The following FNDC8 variants were observed in gnomAD, a reference collection of about 807,000 sequenced individuals.
FNDC8 encodes fibronectin type III domain containing 8, also known as fibronectin type III domain-containing protein 8.
Under a neutral mutation model 24.8 loss-of-function variants are expected in FNDC8, and 23 were observed. The observed-to-expected ratio is 0.93, with a 90% CI of 0.67 to 1.31. FNDC8 has a LOEUF of 1.31. Ranked by LOEUF, FNDC8 falls within the 40% of genes most tolerant of loss-of-function variation. The pLI is 0.00. For missense variants in FNDC8, 371 were observed against 398.2 expected (o/e 0.93, Z 0.58); for synonymous variants, 158 against 165.3 (o/e 0.96, Z 0.34).
intron 1 of FNDC8, among the ~76,000 whole-genome samples, chr17:35,122,210 A>ATATATTT (rs1567738668): frequency 6.7e-5 from 3 of 44,784 alleles, no homozygotes; most frequent in Non-Finnish European, 8.6e-5. Flanking sequence ...ATATATATAA[A>ATATATTT]TTTTTTTTTT....
rs746683874 is a variant in FNDC8, at chr17:35,130,322, A to G, written c.863A>G (p.Asn288Ser). 1 of 1,614,082 alleles carries G rather than the reference A, an allele frequency of 6.2e-7. No individual in the cohort carries two copies. The highest frequency in any genetic ancestry group is 2.2e-5 in the East Asian group (1 of 44,882). ...ACTGACTTCAGCAGCTTTCCTGAGA[A>G]CTACCCCATCCAGATCACCGTGCGG... ...LATDFSSFPE[N>S]YPIQITVRRK... The change falls in exon 4 of 4, where the codon AAC (asparagine) becomes AGC (serine). Residue 288 changes from asparagine to serine, a missense_variant. Coordinates refer to ENST00000158009, the MANE Select transcript of FNDC8 (RefSeq NM_017559.4).
Position 35,126,622 on chromosome 17 carries a change from C to A in FNDC8, c.210-420C>A, listed in dbSNP as rs568572929. ...GGTTCAAGCAATTCTCCTGCCTCAG[C>A]CTACCAAGTAGCTAGGATTACAGGT... On this transcript the variant is annotated intron_variant, in intron 1 of 3. Transcript: ENST00000158009. 3.3e-5 allele frequency among the ~76,000 whole-genome samples: 5 copies of A among 151,850 alleles called. No individual in the cohort carries two copies. The South Asian group carries it at 1.0e-3, about 32-fold the overall frequency.
intron 2 of FNDC8, among the ~76,000 whole-genome samples, chr17:35,128,596 A>G (rs1182157833): frequency 1.3e-5 from 2 of 152,160 alleles, no homozygotes; most frequent in South Asian, 2.1e-4. Flanking sequence ...CCCTCTCTGG[A>G]CCTAGTCGAT....
At chr17:35,126,365 A>C (rs1231761741) in intron 1 of FNDC8, among the ~76,000 whole-genome samples, 3 of 152,210 alleles carry the variant, frequency 2.0e-5, no homozygotes, top group Non-Finnish European at 4.4e-5. Flanking sequence ...TGAATGTATT[A>C]CTTCCATACC....
At chr17:35,123,008 T>C (rs1223848778) in intron 1 of FNDC8, among the ~76,000 whole-genome samples, 3 of 152,050 alleles carry the variant, frequency 2.0e-5, no homozygotes, top group Non-Finnish European at 4.4e-5. Context: ...GGAAGTGATA[T>C]TTGAGCTGAG....
At chr17:35,123,508 C>T (rs536398218) in intron 1 of FNDC8, among the ~76,000 whole-genome samples, 4 of 152,224 alleles carry the variant, frequency 2.6e-5, no homozygotes, top group South Asian at 2.1e-4. Context: ...GAGGCTGAGG[C>T]GGATGCATCA....
At chr17:35,130,261 G>T (rs1431930302) in intron 3 of FNDC8, 21 bp from the exon 4 acceptor site, 7 of 1,611,754 alleles carry the variant, frequency 4.3e-6, no homozygotes, top group Non-Finnish European at 5.9e-6. Flanking sequence ...AACTCTGAAG[G>T]GTTTTCTTGT....
At chr17:35,122,688 C>G (rs958358379) in intron 1 of FNDC8, among the ~76,000 whole-genome samples, 1 of 152,146 alleles carries the variant, frequency 6.6e-6, no homozygotes, top group Non-Finnish European at 1.5e-5. Context: ...TGCCTTCCTT[C>G]GGACTGGGTT....
intron 3 of FNDC8, chr17:35,130,028 T>G: frequency 7.2e-7 from 1 of 1,388,444 alleles, no homozygotes; most frequent in Non-Finnish European, 9.3e-7. Context: ...GGGAACAGCC[T>G]GGGTATGGGG....
rs377442902 is a variant in FNDC8 at position 35,125,708 on chromosome 17, G to A, written c.210-1334G>A. Among the ~76,000 whole-genome samples, 386 of 152,224 alleles carry A rather than the reference G, an allele frequency of 2.5e-3. 2 individuals carry two copies. Among genetic ancestry groups the A allele is most frequent in the Non-Finnish European group, 3.9e-3 (264 of 68,026 alleles). Reference sequence around the variant, plus strand: ...AACTTTACTGTACTCATTACTTGTCGGTCGAAGGATGGGGACTTTGGTGGG... The same window carrying A: ...AACTTTACTGTACTCATTACTTGTCAGTCGAAGGATGGGGACTTTGGTGGG... On this transcript the variant is annotated intron_variant, in intron 1 of 3. Transcript: ENST00000158009.
Position 35,129,038 on chromosome 17 carries a change from C to T in FNDC8, c.586-384C>T, listed in dbSNP as rs78720302. 1,492 of 203,482 alleles carry T rather than the reference C, an allele frequency of 7.3e-3. 22 individuals carry two copies. The highest frequency in any genetic ancestry group is 0.031 in the African/African-American group (1,366 of 43,952). 12.6% of individuals were successfully genotyped at this position (203,482 alleles called of 1,614,324 possible). A position where few individuals can be genotyped will look rare whatever the true frequency, so the allele number is the denominator to read the frequency against. On this transcript the variant is annotated intron_variant, in intron 2 of 3. Transcript: ENST00000158009. ...GACAGGAGGCAGAGCTCAGGTGGTA[C>T]CCTGAGCCGTGGGGAGCAGCTGTAA...
chr17:35,123,007 A>G (rs2091835913), intron 1 of FNDC8, among the ~76,000 whole-genome samples: 1 of 152,070 alleles, frequency 6.6e-6, no homozygotes, highest in Non-Finnish European at 1.5e-5. Context: ...AGGAAGTGAT[A>G]TTTGAGCTGA....
intron 1 of FNDC8, among the ~76,000 whole-genome samples, chr17:35,124,382 G>C (rs1291899006): frequency 6.6e-6 from 1 of 152,022 alleles, no homozygotes; most frequent in Non-Finnish European, 1.5e-5. Context: ...ACAAAAATTA[G>C]CTGAACATGG....
rs777743898 is a variant in FNDC8 at position 35,127,089 on chromosome 17, G to A, written c.257G>A (p.Ser86Asn). The A allele has an allele frequency of 1.2e-6, 2 of 1,613,556 alleles. No individual in the cohort carries two copies. Among genetic ancestry groups the A allele is most frequent in the South Asian group, 1.1e-5 (1 of 90,956 alleles). The change falls in exon 2 of 4, where the codon AGC becomes AAC. Residue 86 changes from serine (S) to asparagine (N), a missense_variant. Physicochemically the swap from Ser to Asn is conservative, Grantham distance 46. Transcript: ENST00000158009. The part of the protein sequence containing the change: ...EDSDCSSDET[S>N]ISAFSSTLLN... ...TCAGACTGCAGCTCTGATGAGACCAGCATCTCTGCCTTCTCATCCACCTTG... is the reference window on the plus strand; with the variant it reads ...TCAGACTGCAGCTCTGATGAGACCAACATCTCTGCCTTCTCATCCACCTTG...
At chr17:35,128,231 T>C (rs1192517021) in intron 2 of FNDC8, among the ~76,000 whole-genome samples, 1 of 152,258 alleles carries the variant, frequency 6.6e-6, no homozygotes, top group Admixed American at 6.5e-5. Flanking sequence ...CAAAGTGCTC[T>C]CCAGATGGAC....
At chr17:35,127,511 A>G in intron 2 of FNDC8, 94 bp downstream of exon 2, 1 of 1,386,372 alleles carries the variant, frequency 7.2e-7, no homozygotes, top group Non-Finnish European at 9.6e-7. Flanking sequence ...TGCCACCTGC[A>G]TGTCGACCTC....
chr17:35,125,343 G>A (rs1347241622), intron 1 of FNDC8, among the ~76,000 whole-genome samples: 1 of 150,452 alleles, frequency 6.6e-6, no homozygotes, highest in Non-Finnish European at 1.5e-5. Context: ...GGAGGTGGAG[G>A]TGGACGGATG....
At position 35,127,319 on chromosome 17, in the gene FNDC8, A is replaced by G; in HGVS notation, c.487A>G (p.Thr163Ala). The G allele has an allele frequency of 6.2e-7, 1 of 1,613,366 alleles. No homozygotes were observed. Among genetic ancestry groups the G allele is most frequent in the South Asian group, 1.1e-5 (1 of 91,040 alleles). Residue 163 changes from threonine (T) to alanine (A), a missense_variant, in exon 2 of 4, where the codon ACA (threonine) becomes GCA (alanine). Physicochemically the swap from Thr to Ala is moderately conservative, Grantham distance 58. Coordinates refer to ENST00000158009, the MANE Select transcript of FNDC8 (RefSeq NM_017559.4). ...GGACCTTGACAACCCTGAGCTGGAG[A>G]CAGAAACCTCCTCAACGCACTCAGA... The part of the protein sequence containing the change: ...LLDLDNPELE[T>A]ETSSTHSESS...
Position 35,121,727 on chromosome 17 carries a change from G to A in FNDC8, c.34G>A (p.Gly12Arg). The stretch of plus-strand genomic sequence containing the variant: ...AGAGGCACTCCATCAAGTGGGAGAT[G>A]GGGAGGAGGCTGTACTGAAGAAAGA... Reference protein sequence around the residue: ...ASEALHQVGDGEEAVLKKENF... With the variant: ...ASEALHQVGDREEAVLKKENF... Residue 12 changes from glycine to arginine, a missense_variant, in exon 1 of 4, where the codon GGG becomes AGG. Physicochemically the swap from Gly to Arg is moderately radical, Grantham distance 125. Transcript: ENST00000158009. 6.2e-7 allele frequency: 1 copy of A among 1,614,026 alleles called. No individual in the cohort carries two copies. Among genetic ancestry groups the A allele is most frequent in the Non-Finnish European group, 8.5e-7 (1 of 1,180,012 alleles).
Sources: allele counts gnomAD v4.1 joint callset (sites outside exome capture counted in the v4.1 genomes callset), GRCh38; gene constraint gnomAD v4.1.1; transcripts MANE v1.5; gene names NCBI Gene and HGNC (gene_info 2026-07-23, HGNC 2026-07-21).